FBH1: variants seen among roughly 807,000 people sequenced by gnomAD.
The protein encoded by FBH1 is F-box DNA helicase 1.
A neutral mutation model predicts 115.5 loss-of-function variants in FBH1; 43 were observed. The ratio of observed to expected loss-of-function variants is 0.37; its 90% CI spans 0.29 to 0.48. The LOEUF is 0.48. FBH1 is among the 20% of genes least tolerant of loss of function. The pLI, the probability that FBH1 is intolerant of heterozygous loss-of-function variation, is 0.99. For missense variants in FBH1, 1,001 were observed against 1,337.3 expected (o/e 0.75, Z 3.92); for synonymous variants, 524 against 507.8 (o/e 1.03, Z -0.43).
Position 5,924,651 on chromosome 10 carries a change from C to T in FBH1, c.2596+143C>T, listed in dbSNP as rs1047980123. The T allele has an allele frequency of 2.7e-5, 22 of 811,278 alleles. No homozygotes were observed. Among genetic ancestry groups the T allele is most frequent in the Non-Finnish European group, 4.4e-5 (22 of 498,498 alleles). 50.3% of individuals were successfully genotyped at this position (811,278 alleles called of 1,614,324 possible). A position where few individuals can be genotyped will look rare whatever the true frequency, so the allele number is the denominator to read the frequency against. On this transcript the variant is annotated intron_variant, in intron 17 of 20. Transcript: ENST00000362091. This position sits in a 1 kb window ranked among gnomAD's most constrained non-coding sequence, Gnocchi z 6.2. ...GGCGTGATCTTGGCTCACTGCAATG[C>T]CCACCTTCTGGGTTCAAGCAATTAT...
At chr10:5,894,874 A>G (rs543572064) in intron 1 of FBH1, among the ~76,000 whole-genome samples, 2 of 152,374 alleles carry the variant, frequency 1.3e-5, no homozygotes, top group African/African-American at 4.8e-5. Flanking sequence ...ATTAAAAACA[A>G]TAATTCATAT....
chr10:5,920,728 G>A (rs1023270051), intron 13 of FBH1, among the ~76,000 whole-genome samples: 1 of 152,222 alleles, frequency 6.6e-6, no homozygotes, highest in South Asian at 2.1e-4. Flanking sequence ...CACACCCCGA[G>A]TGTAGGGAAG....
At position 5,936,485 on chromosome 10, in the gene FBH1, C is replaced by A. The variant is rs763968088; in HGVS notation, c.2859C>A (p.Ser953Arg). Residue 953 changes from serine (S) to arginine (R), a missense_variant, in exon 20 of 21, where the codon AGC becomes AGA. Coordinates refer to ENST00000362091, the MANE Select transcript of FBH1 (RefSeq NM_178150.3). The surrounding 1 kb of genome is among the most constrained non-coding windows in gnomAD (Gnocchi z 5.6). ...ACTTCTTGCAAGCAGAGCTGACAAG[C>A]AACGTCTTAAAAACAGGCGTGGTGC... Reference protein sequence around the residue: ...GEYFLQAELTSNVLKTGVVRC... With the variant: ...GEYFLQAELTRNVLKTGVVRC... 6.2e-7 allele frequency: 1 copy of A among 1,614,040 alleles called. No homozygotes were observed. Among genetic ancestry groups the A allele is most frequent in the Admixed American group, 1.7e-5 (1 of 60,018 alleles).
chr10:5,936,366 G>C lies in FBH1; in HGVS notation c.2830-90G>C. 4.1e-6 allele frequency: 6 copies of C among 1,473,726 alleles called. No homozygotes were observed. The highest frequency in any genetic ancestry group is 5.6e-6 in the Non-Finnish European group (6 of 1,076,988). 91.3% of individuals were successfully genotyped at this position (1,473,726 alleles called of 1,614,324 possible). On this transcript the variant is annotated intron_variant, in intron 19 of 20. Transcript: ENST00000362091. The surrounding 1 kb of genome is among the most constrained non-coding windows in gnomAD (Gnocchi z 5.6). ...CTCTGGGACTTACAGTGCATCTAAA[G>C]GGTTCTCACAGAGCCGCCGCTATCA...
chr10:5,921,395 A>G lies in FBH1; in HGVS notation c.2200+38A>G. The G allele has an allele frequency of 6.2e-7, 1 of 1,610,762 alleles. No individual in the cohort carries two copies. Among genetic ancestry groups the G allele is most frequent in the Non-Finnish European group, 8.5e-7 (1 of 1,179,218 alleles). ...GTTACTCTTCTCTTTTGTGTTACAA[A>G]AGTTTTCCTCTTTATTTCAATTTGC... On this transcript the variant is annotated intron_variant, in intron 14 of 20. Transcript: ENST00000362091. The surrounding 1 kb of genome is among the most constrained non-coding windows in gnomAD (Gnocchi z 6.4).
At chr10:5,928,620 CAT>C (rs1033956090) in intron 19 of FBH1, 5 of 152,246 alleles carry the variant, frequency 3.3e-5, no homozygotes, top group African/African-American at 1.2e-4. Context: ...TTGTCACAGA[CAT>C]GTGGAAAAGT....
intron 15 of FBH1, among the ~76,000 whole-genome samples, chr10:5,922,485 A>G (rs1832372257): frequency 6.6e-6 from 1 of 152,218 alleles, no homozygotes; most frequent in Non-Finnish European, 1.5e-5. Flanking sequence ...AGCCATGGTC[A>G]TTGTTGTAAG....
intron 1 of FBH1, among the ~76,000 whole-genome samples, chr10:5,899,194 A>G (rs1007733220): frequency 6.6e-6 from 1 of 152,206 alleles, no homozygotes; most frequent in Non-Finnish European, 1.5e-5. Flanking sequence ...GACTTTCAGA[A>G]GCCTTCGGTA....
chr10:5,936,348 A>C lies in FBH1; in HGVS notation c.2830-108A>C. Reference sequence around the variant, plus strand: ...GTTAGGCGGGGTTTTTCTCTCTGGGACTTACAGTGCATCTAAAGGGTTCTC... The same window carrying C: ...GTTAGGCGGGGTTTTTCTCTCTGGGCCTTACAGTGCATCTAAAGGGTTCTC... On this transcript the variant is annotated intron_variant, in intron 19 of 20. Transcript: ENST00000362091. This position sits in a 1 kb window ranked among gnomAD's most constrained non-coding sequence, Gnocchi z 5.6. 1 of 1,310,454 alleles carries C rather than the reference A, an allele frequency of 7.6e-7. No individual in the cohort carries two copies. Among genetic ancestry groups the C allele is most frequent in the African/African-American group, 1.5e-5 (1 of 68,708 alleles). The allele number at this position is 1,310,454 out of a possible 1,614,324, so 81.2% of individuals were successfully genotyped here.
In FBH1 at chr10:5,924,572, C is replaced by CTTTT; in HGVS notation, c.2596+74_2596+77dup. ...GAGGAACAGATGGTCTTCTGCTGTTCTTTTTTTTTTTTTGAGACAGAGTAT... is the reference window on the plus strand; with the variant it reads ...GAGGAACAGATGGTCTTCTGCTGTTCTTTTTTTTTTTTTTTTTGAGACAGAGTAT... On this transcript the variant is annotated intron_variant, in intron 17 of 20. Transcript: ENST00000362091. The surrounding 1 kb of genome is among the most constrained non-coding windows in gnomAD (Gnocchi z 6.2). 8.0e-7 allele frequency: 1 copy of CTTTT among 1,250,466 alleles called. No homozygotes were observed. Among genetic ancestry groups the CTTTT allele is most frequent in the Non-Finnish European group, 1.1e-6 (1 of 907,062 alleles). The allele number at this position is 1,250,466 out of a possible 1,614,324, so 77.5% of individuals were successfully genotyped here.
chr10:5,933,642 GTTT>G lies in FBH1; in HGVS notation c.2830-2800_2830-2798del, dbSNP rs371766916. Among the ~76,000 whole-genome samples, 8 of 143,410 alleles carry G rather than the reference GTTT, an allele frequency of 5.6e-5. No homozygotes were observed. Among genetic ancestry groups the G allele is most frequent in the African/African-American group, 1.3e-4 (5 of 39,622 alleles). The allele number at this position is 143,410 out of a possible 152,430, so 94.1% of individuals were successfully genotyped here. A position where few individuals can be genotyped will look rare whatever the true frequency, so the allele number is the denominator to read the frequency against. On this transcript the variant is annotated intron_variant, in intron 19 of 20. Coordinates refer to ENST00000362091, the MANE Select transcript of FBH1 (RefSeq NM_178150.3). The surrounding 1 kb of genome is among the most constrained non-coding windows in gnomAD (Gnocchi z 4.9). ...TTGTTAGAAGTGGAGGCACTCTGCT[GTTT>G]TTTTTTTTTTTTTAAAAAACAGAGT...
chr10:5,902,882 GGA>G, intron 1 of FBH1, 136 bp from the exon 2 acceptor site: 1 of 655,068 alleles, frequency 1.5e-6, no homozygotes. Flanking sequence ...GGGGGCAAGG[GGA>G]GGGGGGAACG....
intron 19 of FBH1, among the ~76,000 whole-genome samples, chr10:5,930,135 C>A (rs1193312688): frequency 6.6e-6 from 1 of 152,166 alleles, no homozygotes; most frequent in African/African-American, 2.4e-5. Context: ...CCTATATGTA[C>A]ACATCTCCAA....
Position 5,917,774 on chromosome 10 carries a change from ATT to A in FBH1, c.1963+100_1963+101del, listed in dbSNP as rs929309297. On this transcript the variant is annotated intron_variant, in intron 12 of 20. Transcript: ENST00000362091. The surrounding 1 kb of genome is among the most constrained non-coding windows in gnomAD (Gnocchi z 5.6). Reference sequence around the variant, plus strand: ...TGTGTGAACTAAGTTGATTATTATTATTTGTGATAAAGAAGAGGATCTTCATA... The same window carrying A: ...TGTGTGAACTAAGTTGATTATTATTATGTGATAAAGAAGAGGATCTTCATA... The A allele has an allele frequency of 7.6e-5, 72 of 947,160 alleles. No individual in the cohort carries two copies. The Admixed American group carries it at 1.1e-3, about 14-fold the overall frequency. 58.7% of individuals were successfully genotyped at this position (947,160 alleles called of 1,614,324 possible).
chr10:5,909,055 G>A lies in FBH1; in HGVS notation c.884G>A (p.Arg295Gln), dbSNP rs1234897268. Residue 295 changes from arginine to glutamine, a missense_variant and splice_region_variant, in exon 4 of 21, where the codon CGA becomes CAA. Around this residue, in one of 4 missense-constraint regions of FBH1, gnomAD observed 420 missense variants for 430.4 expected, o/e 0.98. Coordinates refer to ENST00000362091, the MANE Select transcript of FBH1 (RefSeq NM_178150.3). This position sits in a 1 kb window ranked among gnomAD's most constrained non-coding sequence, Gnocchi z 4.4. ...ESDLCVLNLI[R>Q]YTATTKCSPS... ...GACCTGTGTGTGCTGAACCTCATAC[G>A]GTGAGCTTTGCCTGTGCTGTAAAGA... 2.5e-6 allele frequency: 4 copies of A among 1,613,996 alleles called. No homozygotes were observed. The highest frequency in any genetic ancestry group is 2.5e-6 in the Non-Finnish European group (3 of 1,180,040).
intron 1 of FBH1, among the ~76,000 whole-genome samples, chr10:5,896,374 G>A (rs1299077588): frequency 6.6e-6 from 1 of 152,128 alleles, no homozygotes; most frequent in East Asian, 1.9e-4. Context: ...CTGGGGTAGG[G>A]CTAAAAGCTG....
chr10:5,898,170 T>C (rs1843120938), intron 1 of FBH1, among the ~76,000 whole-genome samples: 2 of 152,196 alleles, frequency 1.3e-5, no homozygotes, highest in African/African-American at 2.4e-5. Context: ...ATACCATAAC[T>C]GGGCCGCTTA....
At chr10:5,891,102 C>T (rs955537756) in intron 1 of FBH1, 5 of 979,008 alleles carry the variant, frequency 5.1e-6, no homozygotes, top group Non-Finnish European at 6.1e-6. Flanking sequence ...CAGTGACTTT[C>T]TTACAGAATT....
Position 5,925,623 on chromosome 10 carries a change from C to T in FBH1, c.2722+131C>T, listed in dbSNP as rs903234520. The T allele has an allele frequency of 4.7e-6, 6 of 1,273,698 alleles. No individual in the cohort carries two copies. The highest frequency in any genetic ancestry group is 5.4e-6 in the Non-Finnish European group (5 of 921,882). The allele number at this position is 1,273,698 out of a possible 1,614,324, so 78.9% of individuals were successfully genotyped here. Reference sequence around the variant, plus strand: ...GTAGGGCACTTCTGGAAAAACTAAACCACAAAACACCTCCTAGTCCTAAAC... The same window carrying T: ...GTAGGGCACTTCTGGAAAAACTAAATCACAAAACACCTCCTAGTCCTAAAC... On this transcript the variant is annotated intron_variant, in intron 18 of 20. Coordinates refer to ENST00000362091, the MANE Select transcript of FBH1 (RefSeq NM_178150.3). This position sits in a 1 kb window ranked among gnomAD's most constrained non-coding sequence, Gnocchi z 4.6.
Sources: allele counts gnomAD v4.1 joint callset (sites outside exome capture counted in the v4.1 genomes callset), GRCh38; gene constraint gnomAD v4.1.1; regional missense constraint gnomAD v4.1.1; non-coding constraint Gnocchi (gnomAD v3.1); transcripts MANE v1.5; gene names NCBI Gene and HGNC (gene_info 2026-07-23, HGNC 2026-07-21).